Variants in CSMD1 observed in about 807,000 individuals in gnomAD.
CSMD1 encodes the protein CUB and sushi domain-containing protein 1.
CSMD1 carries 213 observed loss-of-function variants against 417.5 expected under a neutral mutation model. The ratio of observed to expected loss-of-function variants is 0.51; its 90% CI spans 0.46 to 0.57. The LOEUF is 0.57. CSMD1 is among the 20% of genes least tolerant of loss of function. The pLI, the probability that CSMD1 is intolerant of heterozygous loss-of-function variation, is 0.00. For missense variants in CSMD1, 6,923 were observed against 4,529.7 expected, an observed-to-expected ratio of 1.53 and a Z score of -15.17; for synonymous variants, 2,862 against 1,736.8, an observed-to-expected ratio of 1.65 and a Z score of -16.11.
At chr8:3,404,522 G>A (rs973476374) in intron 15 of CSMD1, among the ~76,000 whole-genome samples, 1 of 152,026 alleles carries the variant, frequency 6.6e-6, no homozygotes, top group African/African-American at 2.4e-5. Context: ...TAGAGATGAT[G>A]GGTCTGAGAA....
At chr8:4,724,524 G>A (rs1221963788) in intron 1 of CSMD1, among the ~76,000 whole-genome samples, 112 of 78,694 alleles carry the variant, frequency 1.4e-3, no homozygotes, top group African/African-American at 6.8e-3. Context: ...ATATATATGT[G>A]TGTGTGTGTG....
At chr8:4,074,949 G>A (rs1799745093) in intron 3 of CSMD1, among the ~76,000 whole-genome samples, 1 of 151,962 alleles carries the variant, frequency 6.6e-6, no homozygotes, top group Non-Finnish European at 1.5e-5. Flanking sequence ...TTATATTTTT[G>A]TGTGACAGTT....
intron 1 of CSMD1, among the ~76,000 whole-genome samples, chr8:4,854,994 C>A (rs1801708176): frequency 6.6e-6 from 1 of 152,196 alleles, no homozygotes; most frequent in Admixed American, 6.5e-5. Flanking sequence ...TCAGTAACCT[C>A]TGCAGACTTA....
At chr8:4,281,655 A>G (rs750194561) in intron 3 of CSMD1, among the ~76,000 whole-genome samples, 5 of 152,198 alleles carry the variant, frequency 3.3e-5, no homozygotes, top group East Asian at 3.9e-4. Context: ...TACTTGACAT[A>G]TAATTCTATA....
intron 1 of CSMD1, among the ~76,000 whole-genome samples, chr8:4,772,438 C>T (rs1796649093): frequency 6.6e-6 from 1 of 152,130 alleles, no homozygotes; most frequent in African/African-American, 2.4e-5. Flanking sequence ...TATTTTAAGG[C>T]CTATAGCTTT....
chr8:3,986,724 T>G (rs1814346039), intron 5 of CSMD1, among the ~76,000 whole-genome samples: 1 of 152,034 alleles, frequency 6.6e-6, no homozygotes, highest in Non-Finnish European at 1.5e-5. Context: ...ATGTTTCAGT[T>G]TTGCTCAAAG....
At chr8:4,945,809 A>C (rs934148218) in intron 1 of CSMD1, among the ~76,000 whole-genome samples, 2 of 152,176 alleles carry the variant, frequency 1.3e-5, no homozygotes, top group Non-Finnish European at 2.9e-5. Context: ...AGTAGGCAGC[A>C]GAACCCAGTT....
chr8:4,536,532 T>C (rs999623316), intron 2 of CSMD1, among the ~76,000 whole-genome samples: 2 of 152,192 alleles, frequency 1.3e-5, no homozygotes, highest in Non-Finnish European at 2.9e-5. Context: ...TGATATTGTA[T>C]ACAGAGATAT....
intron 3 of CSMD1, among the ~76,000 whole-genome samples, chr8:4,122,563 A>C (rs186485926): frequency 1.3e-5 from 2 of 152,152 alleles, no homozygotes; most frequent in African/African-American, 4.8e-5. Flanking sequence ...TGCTTTCCCA[A>C]TGTTTGGAGG....
At chr8:4,467,281 C>G (rs1006204482) in intron 2 of CSMD1, among the ~76,000 whole-genome samples, 2 of 152,112 alleles carry the variant, frequency 1.3e-5, no homozygotes, top group African/African-American at 2.4e-5. Flanking sequence ...TCAATTAAAC[C>G]AATTCATGGC....
chr8:4,758,108 A>G (rs774684432), intron 1 of CSMD1, among the ~76,000 whole-genome samples: 6 of 152,172 alleles, frequency 3.9e-5, no homozygotes, highest in Non-Finnish European at 8.8e-5. Flanking sequence ...GAAACCAACC[A>G]AAGGAAATAA....
At chr8:4,814,046 G>A (rs1261906702) in intron 1 of CSMD1, among the ~76,000 whole-genome samples, 2 of 152,196 alleles carry the variant, frequency 1.3e-5, no homozygotes, top group African/African-American at 4.8e-5. Context: ...AGAAAGTAAT[G>A]TACAGTTTTG....
intron 23 of CSMD1, among the ~76,000 whole-genome samples, chr8:3,333,294 C>T (rs1364634790): frequency 6.6e-6 from 1 of 152,064 alleles, no homozygotes; most frequent in Non-Finnish European, 1.5e-5. Flanking sequence ...AGAAACGGTG[C>T]TGTTTCAGGC....
At chr8:4,891,900 T>C (rs1179171083) in intron 1 of CSMD1, among the ~76,000 whole-genome samples, 1 of 152,070 alleles carries the variant, frequency 6.6e-6, no homozygotes, top group Admixed American at 6.5e-5. Flanking sequence ...GATTCTATTT[T>C]AGCAAACAAA....
At chr8:4,567,411 A>AAAC (rs1170849268) in intron 2 of CSMD1, among the ~76,000 whole-genome samples, 1 of 152,196 alleles carries the variant, frequency 6.6e-6, no homozygotes, top group East Asian at 1.9e-4. Context: ...GCTGTGGAGA[A>AAAC]AACAACAACA....
chr8:4,449,620 G>A (rs185874379), intron 2 of CSMD1, among the ~76,000 whole-genome samples: 36 of 152,254 alleles, frequency 2.4e-4, no homozygotes, highest in Non-Finnish European at 4.6e-4. Context: ...GCTGTAGCCA[G>A]AATACATCTT....
At chr8:3,599,118 C>T (rs1475301383) in intron 8 of CSMD1, among the ~76,000 whole-genome samples, 3 of 144,034 alleles carry the variant, frequency 2.1e-5, no homozygotes, top group Non-Finnish European at 4.5e-5. Flanking sequence ...ATTGCAATTG[C>T]TTACTGCTGT....
At chr8:4,380,131 A>C (rs903867652) in intron 3 of CSMD1, among the ~76,000 whole-genome samples, 4 of 152,222 alleles carry the variant, frequency 2.6e-5, no homozygotes, top group Non-Finnish European at 5.9e-5. Flanking sequence ...TTGAATTCTA[A>C]ATAGTTTCTA....
intron 3 of CSMD1, among the ~76,000 whole-genome samples, chr8:4,104,671 A>G (rs1471177846): frequency 6.6e-6 from 1 of 152,204 alleles, no homozygotes; most frequent in Non-Finnish European, 1.5e-5. Context: ...ACAGACTAGT[A>G]AAACAGCACA....
Sources: gnomAD v4.1 joint callset for allele counts (sites outside exome capture counted in the v4.1 genomes callset) on GRCh38, gnomAD v4.1.1 for gene constraint, MANE v1.5 for transcripts, NCBI Gene and HGNC (gene_info 2026-07-23, HGNC 2026-07-21) for gene names.